Variants in SUMF1 observed in about 807,000 individuals in gnomAD.
The protein encoded by SUMF1 is sulfatase modifying factor 1.
A neutral mutation model predicts 47.6 loss-of-function variants in SUMF1; 48 were observed. The observed-to-expected ratio is 1.01, with a 90% CI of 0.80 to 1.28. The LOEUF (loss-of-function observed/expected upper bound fraction) is 1.28. Ranked by LOEUF, SUMF1 falls within the 50% of genes most tolerant of loss-of-function variation. The pLI is 0.00. For missense variants in SUMF1, 571 were observed against 485.4 expected, an observed-to-expected ratio of 1.18 and a Z score of -1.66; for synonymous variants, 230 against 192.1, an observed-to-expected ratio of 1.20 and a Z score of -1.63.
intron 8 of SUMF1, among the ~76,000 whole-genome samples, chr3:4,138,900 T>G (rs1342603923): frequency 6.6e-6 from 1 of 152,050 alleles, no homozygotes; most frequent in Non-Finnish European, 1.5e-5. Flanking sequence ...CTTGAGGCTA[T>G]TTACCCATAT....
At chr3:4,246,689 C>T (rs577776662) in intron 8 of SUMF1, among the ~76,000 whole-genome samples, 7 of 152,154 alleles carry the variant, frequency 4.6e-5, no homozygotes, top group Middle Eastern at 6.8e-3. Context: ...CGTGAGCTAC[C>T]GCACCCAGCC....
At chr3:4,299,099 C>G (rs1364913354) in intron 8 of SUMF1, among the ~76,000 whole-genome samples, 1 of 152,324 alleles carries the variant, frequency 6.6e-6, no homozygotes, top group African/African-American at 2.4e-5. Flanking sequence ...ACTATCTCTT[C>G]TTTTAAGGAA....
chr3:4,445,980 C>T (rs768386073), intron 3 of SUMF1, among the ~76,000 whole-genome samples: 15 of 152,142 alleles, frequency 9.9e-5, no homozygotes, highest in Non-Finnish European at 2.1e-4. Flanking sequence ...AATTGGTCAC[C>T]TTTGAAGAAC....
At chr3:4,085,310 TAAG>T (rs1692648751) in intron 8 of SUMF1, among the ~76,000 whole-genome samples, 1 of 152,060 alleles carries the variant, frequency 6.6e-6, no homozygotes, top group African/African-American at 2.4e-5. Flanking sequence ...TGACGCCTTC[TAAG>T]AAGGGTGGAT....
intron 9 of SUMF1, among the ~76,000 whole-genome samples, chr3:4,064,344 A>T (rs111449691): frequency 0.011 from 1,484 of 139,726 alleles, 25 homozygotes; most frequent in South Asian, 0.032. Context: ...CCCAGTGCCA[A>T]GACAGTTTAC....
At chr3:4,293,582 C>T (rs1486837297) in intron 8 of SUMF1, among the ~76,000 whole-genome samples, 1 of 152,084 alleles carries the variant, frequency 6.6e-6, no homozygotes. Flanking sequence ...TTATTCAGTT[C>T]CCTCACTCAG....
chr3:4,400,783 G>A (rs73123378), intron 7 of SUMF1, among the ~76,000 whole-genome samples: 14,085 of 152,214 alleles, frequency 0.093, 1,943 homozygotes, highest in African/African-American at 0.31. Flanking sequence ...CAAGATAGCA[G>A]AGCTGGGATG....
intron 8 of SUMF1, among the ~76,000 whole-genome samples, chr3:4,081,361 C>G (rs528646526): frequency 6.9e-6 from 1 of 144,326 alleles, no homozygotes; most frequent in Non-Finnish European, 1.5e-5. Context: ...CTCAGATGGG[C>G]TTCCTGAGAG....
At chr3:4,203,881 T>C (rs918086012) in intron 8 of SUMF1, among the ~76,000 whole-genome samples, 18 of 151,994 alleles carry the variant, frequency 1.2e-4, no homozygotes, top group Non-Finnish European at 1.5e-4. Flanking sequence ...AACTCACAAT[T>C]TAATTTCAAC....
At chr3:4,187,434 A>AT (rs892305391) in intron 8 of SUMF1, among the ~76,000 whole-genome samples, 46 of 150,672 alleles carry the variant, frequency 3.1e-4, no homozygotes, top group East Asian at 1.6e-3. Context: ...CAAACATTTG[A>AT]TTTTTTTTTT....
rs868637104 is a variant in SUMF1 at position 4,164,655 on chromosome 3, C to T, written c.1015-95910G>A. 3.3e-5 allele frequency among the ~76,000 whole-genome samples: 5 copies of T among 152,294 alleles called. No individual in the cohort carries two copies. The South Asian group carries it at 8.3e-4, about 25-fold the overall frequency. ...TGTCTGAGGGCCATGACTAAGGCTG[C>T]AGCCTTTCTCTGATTTCACTTTTCC... On this transcript the variant is annotated intron_variant and NMD_transcript_variant, in intron 8 of 12. Coordinates refer to the SUMF1 transcript ENST00000448413.
At chr3:4,070,405 C>T (rs925040035) in intron 8 of SUMF1, among the ~76,000 whole-genome samples, 4 of 152,030 alleles carry the variant, frequency 2.6e-5, no homozygotes, top group Admixed American at 1.3e-4. Context: ...AGGACAGCAC[C>T]GTGAGAAGCC....
At chr3:4,408,718 C>A (rs1009938300) in intron 7 of SUMF1, among the ~76,000 whole-genome samples, 14 of 152,168 alleles carry the variant, frequency 9.2e-5, no homozygotes, top group African/African-American at 2.9e-4. Context: ...CACCTGTAAT[C>A]CCAGAACTTT....
At chr3:4,261,144 A>G (rs1330838653) in intron 8 of SUMF1, among the ~76,000 whole-genome samples, 1 of 152,200 alleles carries the variant, frequency 6.6e-6, no homozygotes, top group Non-Finnish European at 1.5e-5. Flanking sequence ...AACACATCTC[A>G]AGAGTCCCCA....
chr3:4,345,854 T>C (rs1328310984), intron 8 of SUMF1, among the ~76,000 whole-genome samples: 3 of 150,262 alleles, frequency 2.0e-5, no homozygotes, highest in African/African-American at 7.4e-5. Context: ...ACCAAGCAAA[T>C]GGAAAGCAAA....
At chr3:4,300,842 C>T (rs749890701) in intron 8 of SUMF1, among the ~76,000 whole-genome samples, 4 of 151,992 alleles carry the variant, frequency 2.6e-5, no homozygotes, top group Non-Finnish European at 4.4e-5. Flanking sequence ...GTAAGCTTGA[C>T]CTGGAGCTCT....
intron 8 of SUMF1, among the ~76,000 whole-genome samples, chr3:4,239,746 A>G (rs1696496063): frequency 6.6e-6 from 1 of 152,082 alleles, no homozygotes; most frequent in African/African-American, 2.4e-5. Flanking sequence ...TCTTTTCCTA[A>G]TTGAATACCC....
At chr3:4,315,942 G>A (rs146365456) in intron 8 of SUMF1, among the ~76,000 whole-genome samples, 2 of 151,224 alleles carry the variant, frequency 1.3e-5, no homozygotes, top group Non-Finnish European at 2.9e-5. Context: ...AGCTACTCAG[G>A]AGGCTGAGGT....
chr3:4,085,975 T>G lies in SUMF1; in HGVS notation c.1015-17230A>C, dbSNP rs144759772. Among the ~76,000 whole-genome samples, 49 of 152,056 alleles carry G rather than the reference T, an allele frequency of 3.2e-4. 1 individual carries two copies. The highest frequency in any genetic ancestry group is 1.2e-3 in the African/African-American group (48 of 41,444). On this transcript the variant is annotated intron_variant and NMD_transcript_variant, in intron 8 of 12. Transcript: ENST00000448413. ...CATGAAAAGTGTATAAAACTGAAAT[T>G]TGCAAATATCTGAAGTGAAACTCAG...
Sources: gnomAD v4.1 joint callset for allele counts (sites outside exome capture counted in the v4.1 genomes callset) on GRCh38, gnomAD v4.1.1 for gene constraint, MANE v1.5 for transcripts, NCBI Gene and HGNC (gene_info 2026-07-23, HGNC 2026-07-21) for gene names.